The following NME8 variants were observed in gnomAD, a reference collection of about 807,000 sequenced individuals.
The protein encoded by NME8 is NME/NM23 family member 8, also known as protein NME8.
NME8 carries 72 observed loss-of-function variants against 82.3 expected under a neutral mutation model. That is an observed-to-expected ratio of 0.87 (90% confidence interval 0.72 to 1.06). The LOEUF is 1.06. Among genes scored for constraint, NME8 ranks in the 50% least tolerant of loss-of-function variants. The pLI, the probability that NME8 is intolerant of heterozygous loss-of-function variation, is 0.00. For missense variants in NME8, 712 were observed against 685.4 expected (o/e 1.04, Z -0.43); for synonymous variants, 267 against 228.5 (o/e 1.17, Z -1.52).
intron 12 of NME8, 108 bp from the exon 13 acceptor site, chr7:37,884,195 G>A (rs879003464): frequency 8.0e-5 from 63 of 786,028 alleles, no homozygotes; most frequent in South Asian, 3.7e-4. Flanking sequence ...TCAAAATTTC[G>A]TATGAGAATA....
rs1393480616 is a variant in NME8 at position 37,882,605 on chromosome 7, GAGAGAGAGAGAAAGAA to G, written c.995-1694_995-1679del. Among the ~76,000 whole-genome samples, 83 of 48,388 alleles carry G rather than the reference GAGAGAGAGAGAAAGAA, an allele frequency of 1.7e-3. 1 individual carries two copies. Among genetic ancestry groups the G allele is most frequent in the Non-Finnish European group, 3.2e-3 (53 of 16,448 alleles). The allele number at this position is 48,388 out of a possible 152,430, so 31.7% of individuals were successfully genotyped here. On this transcript the variant is annotated intron_variant, in intron 12 of 17. Coordinates refer to ENST00000199447, the MANE Select transcript of NME8 (RefSeq NM_016616.5). ...AAAGAAAGAAAGAAAGAAAGAGAGA[GAGAGAGAGAGAAAGAA>G]AGAAAGAAAGAAAGAAAGAAAGAGA... is the stretch of plus-strand genomic sequence containing the variant.
chr7:37,851,852 C>T (rs969909194), intron 5 of NME8, among the ~76,000 whole-genome samples: 1 of 152,140 alleles, frequency 6.6e-6, no homozygotes, highest in African/African-American at 2.4e-5. Flanking sequence ...CAACCACAAC[C>T]CACTCATGTT....
At chr7:37,867,127 G>T (rs982144) in intron 10 of NME8, among the ~76,000 whole-genome samples, 117,073 of 152,034 alleles carry the variant, frequency 0.77, 45,408 homozygotes, top group African/African-American at 0.87. Context: ...GGTGAGCAGC[G>T]GGATGACTTT....
At chr7:37,852,183 T>C (rs962519051) in intron 5 of NME8, among the ~76,000 whole-genome samples, 1 of 152,124 alleles carries the variant, frequency 6.6e-6, no homozygotes, top group African/African-American at 2.4e-5. Context: ...AATGTCTTTA[T>C]ATAGATGTTA....
At chr7:37,894,878 CCCTTT>C (rs1259772492) in intron 16 of NME8, among the ~76,000 whole-genome samples, 23 of 151,278 alleles carry the variant, frequency 1.5e-4, no homozygotes, top group East Asian at 3.9e-4. Flanking sequence ...CCCTTCCCTT[CCCTTT>C]CCTTTCCTTT....
chr7:37,888,304 T>C lies in NME8; in HGVS notation c.1275T>C (p.Ser425=). 6.2e-7 allele frequency: 1 copy of C among 1,613,668 alleles called. No homozygotes were observed. Among genetic ancestry groups the C allele is most frequent in the Non-Finnish European group, 8.5e-7 (1 of 1,179,700 alleles). The change falls in exon 15 of 18, where the codon AGT becomes AGC. Residue 425 remains serine, a synonymous_variant. Transcript: ENST00000199447. Reference sequence around the variant, plus strand: ...TATGTGCACAGTTTGCGATGGACAGTTTGCCGGTCAACCAGTTGTATGGCA... The same window carrying C: ...TATGTGCACAGTTTGCGATGGACAGCTTGCCGGTCAACCAGTTGTATGGCA... ...ESLCAQFAMD[S]LPVNQLYGSD...
chr7:37,879,326 T>C (rs1218026256), intron 12 of NME8, among the ~76,000 whole-genome samples: 1 of 152,072 alleles, frequency 6.6e-6, no homozygotes, highest in African/African-American at 2.4e-5. Context: ...TTTGTATTTT[T>C]AGTAGAGAGG....
Position 37,881,073 on chromosome 7 carries a change from T to C in NME8, c.995-3230T>C, listed in dbSNP as rs145505546. ...ATGATGATGATTCTTTGGGATTTTCTACATAGACAGTCATGCCCTCTGTGA... is the reference window on the plus strand; with the variant it reads ...ATGATGATGATTCTTTGGGATTTTCCACATAGACAGTCATGCCCTCTGTGA... On this transcript the variant is annotated intron_variant, in intron 12 of 17. Transcript: ENST00000199447. 3.2e-3 allele frequency among the ~76,000 whole-genome samples: 482 copies of C among 152,318 alleles called. 6 individuals carry two copies. Among genetic ancestry groups the C allele is most frequent in the African/African-American group, 0.011 (456 of 41,578 alleles).
intron 12 of NME8, among the ~76,000 whole-genome samples, chr7:37,882,641 AAG>A (rs141008493): frequency 0.41 from 50,434 of 124,206 alleles, 9,778 homozygotes; most frequent in East Asian, 0.58. Context: ...GAAAGAAAGA[AAG>A]AGAAAGAAAG....
chr7:37,858,752 T>A (rs747021750), intron 6 of NME8, among the ~76,000 whole-genome samples: 1 of 151,994 alleles, frequency 6.6e-6, no homozygotes, highest in Admixed American at 6.6e-5. Context: ...TCTGGGATAG[T>A]CGATAATATA....
intron 10 of NME8, 92 bp downstream of exon 10, chr7:37,865,709 A>T (rs1385650182): frequency 7.4e-6 from 6 of 810,556 alleles, no homozygotes; most frequent in Non-Finnish European, 1.3e-5. Context: ...GCAAATTAGT[A>T]AGTCTGAACA....
chr7:37,883,196 G>T (rs554669472), intron 12 of NME8, among the ~76,000 whole-genome samples: 77 of 152,214 alleles, frequency 5.1e-4, no homozygotes, highest in Non-Finnish European at 1.3e-4. Flanking sequence ...ATTTCAAGAA[G>T]CTGTTAACAT....
chr7:37,895,459 G>A (rs960544283), intron 16 of NME8, among the ~76,000 whole-genome samples: 14 of 152,082 alleles, frequency 9.2e-5, no homozygotes, highest in Admixed American at 6.6e-4. Context: ...GAAGTTGTCC[G>A]CAGTCACAAA....
At chr7:37,857,820 G>A (rs1784535045) in intron 6 of NME8, among the ~76,000 whole-genome samples, 1 of 152,164 alleles carries the variant, frequency 6.6e-6, no homozygotes, top group East Asian at 1.9e-4. Context: ...TTCTATGTGT[G>A]AGGAACAGGT....
rs955128472 is a variant in NME8 at position 37,876,225 on chromosome 7, T to G, written c.819-607T>G. On this transcript the variant is annotated intron_variant, in intron 11 of 17. Coordinates refer to ENST00000199447, the MANE Select transcript of NME8 (RefSeq NM_016616.5). ...CCATCTCAAAAAAACACTATATATA[T>G]ATATATAGATAGATAGATAGATAGA... is the stretch of plus-strand genomic sequence containing the variant. 5.8e-3 allele frequency among the ~76,000 whole-genome samples: 751 copies of G among 128,878 alleles called. 5 individuals carry two copies. The highest frequency in any genetic ancestry group is 0.023 in the African/African-American group (687 of 29,714). The allele number at this position is 128,878 out of a possible 152,430, so 84.5% of individuals were successfully genotyped here. A position where few individuals can be genotyped will look rare whatever the true frequency, so the allele number is the denominator to read the frequency against.
intron 14 of NME8, among the ~76,000 whole-genome samples, chr7:37,887,604 G>T (rs1253100216): frequency 6.6e-6 from 1 of 152,160 alleles, no homozygotes. Context: ...AGCAAGTAGT[G>T]CAACAAGGAT....
intron 14 of NME8, among the ~76,000 whole-genome samples, chr7:37,886,180 A>G (rs1464628519): frequency 6.6e-6 from 1 of 152,224 alleles, no homozygotes; most frequent in African/African-American, 2.4e-5. Flanking sequence ...GATAATAAGC[A>G]TAGAACCTCT....
At position 37,876,867 on chromosome 7, in the gene NME8, A is replaced by G. The variant is rs1784861182; in HGVS notation, c.854A>G (p.Gln285Arg). 1.2e-6 allele frequency: 2 copies of G among 1,612,804 alleles called. No individual in the cohort carries two copies. The highest frequency in any genetic ancestry group is 1.3e-5 in the African/African-American group (1 of 74,890). The change falls in exon 12 of 18, where the codon CAG becomes CGG. Residue 285 changes from glutamine (Q) to arginine (R), a missense_variant. Transcript: ENST00000199447. ...TATCTGGAAAGACAACATTTAGCTC[A>G]GCTCTGTGACATTGAAGAGGATGCA... ...QEYLERQHLAQLCDIEEDAAN... is the reference protein window; with the variant it reads ...QEYLERQHLARLCDIEEDAAN...
At chr7:37,869,542 C>T (rs937077573) in intron 11 of NME8, among the ~76,000 whole-genome samples, 5 of 152,120 alleles carry the variant, frequency 3.3e-5, no homozygotes, top group Admixed American at 6.6e-5. Flanking sequence ...GTCCAATACT[C>T]GCATGACACC....
Sources: allele counts gnomAD v4.1 joint callset (sites outside exome capture counted in the v4.1 genomes callset), GRCh38; gene constraint gnomAD v4.1.1; transcripts MANE v1.5; gene names NCBI Gene and HGNC (gene_info 2026-07-23, HGNC 2026-07-21).